Variants in USP28 observed in about 807,000 individuals in gnomAD.
USP28 encodes the protein ubiquitin specific peptidase 28.
Under a neutral mutation model 145.0 loss-of-function variants are expected in USP28, and 113 were observed. The observed-to-expected ratio is 0.78, with a 90% CI of 0.67 to 0.91. USP28 has a LOEUF of 0.91. USP28 is among the 40% of genes least tolerant of loss of function. The probability of loss-of-function intolerance (pLI) is 0.00; values close to 1 mark genes in which losing one functional copy is unlikely to be tolerated. For synonymous variants in USP28, 447 were observed against 450.9 expected (o/e 0.99, Z 0.11); for missense variants, 1,201 against 1,289.6 (o/e 0.93, Z 1.05).
chr11:113,841,824 T>C (rs896379305), intron 3 of USP28, 56 bp from the exon 4 acceptor site: 1 of 1,228,862 alleles, frequency 8.1e-7, no homozygotes, highest in Non-Finnish European at 1.1e-6. Flanking sequence ...TGCCCTTCTG[T>C]AATATAAGAA....
chr11:113,850,257 T>C (rs936245212), intron 3 of USP28, among the ~76,000 whole-genome samples: 8 of 152,134 alleles, frequency 5.3e-5, no homozygotes, highest in Admixed American at 1.3e-4. Context: ...TCACTAGATA[T>C]ATACACTAAA....
chr11:113,800,796 G>GA (rs1938857243), intron 24 of USP28, among the ~76,000 whole-genome samples: 2 of 149,898 alleles, frequency 1.3e-5, no homozygotes, highest in Admixed American at 6.7e-5. Context: ...TCAAGCCACA[G>GA]AAAAAATTCA....
intron 3 of USP28, among the ~76,000 whole-genome samples, chr11:113,849,446 T>C (rs1946229101): frequency 6.6e-6 from 1 of 152,158 alleles, no homozygotes; most frequent in African/African-American, 2.4e-5. Flanking sequence ...GATGGAAGAA[T>C]TGAACAGTGA....
intron 8 of USP28, among the ~76,000 whole-genome samples, chr11:113,831,634 T>C (rs959113029): frequency 1.3e-5 from 2 of 152,184 alleles, no homozygotes; most frequent in Admixed American, 6.5e-5. Flanking sequence ...ATTTGTCCTT[T>C]TTACAAATAC....
chr11:113,808,478 A>C (rs952798404), intron 17 of USP28, 41 bp from the exon 18 acceptor site: 2 of 1,606,658 alleles, frequency 1.2e-6, no homozygotes, highest in African/African-American at 2.7e-5. Context: ...TCTAATGATA[A>C]ATAGTCTAGA....
chr11:113,823,775 T>C (rs1024738764), intron 11 of USP28, 75 bp from the exon 12 acceptor site: 63 of 1,237,620 alleles, frequency 5.1e-5, no homozygotes, highest in Non-Finnish European at 1.3e-5. Context: ...AACTAAAGAT[T>C]CAAGGAAACT....
rs369446148 is a variant in USP28 at position 113,874,067 on chromosome 11, G to A, written c.57+1378C>T. On this transcript the variant is annotated intron_variant, in intron 1 of 24. Transcript: ENST00000003302. ...GAGGCAGGAGAATCGCTTGAACCCG[G>A]GAGACGGAAGTTGCAGTGAGCCGAG... is the stretch of plus-strand genomic sequence containing the variant. 1.4e-3 allele frequency among the ~76,000 whole-genome samples: 218 copies of A among 151,554 alleles called. 1 individual carries two copies. The highest frequency in any genetic ancestry group is 4.4e-3 in the African/African-American group (183 of 41,234).
At chr11:113,815,033 T>C (rs1233215760) in intron 14 of USP28, 141 bp downstream of exon 14, 22 of 764,618 alleles carry the variant, frequency 2.9e-5, no homozygotes, top group Non-Finnish European at 3.7e-5. Context: ...GCCTGGGTGA[T>C]AGAGTGAGAC....
At chr11:113,854,603 T>C (rs1490898812) in intron 1 of USP28, among the ~76,000 whole-genome samples, 1 of 152,150 alleles carries the variant, frequency 6.6e-6, no homozygotes, top group Non-Finnish European at 1.5e-5. Context: ...GGTTTCACAT[T>C]GTTGGTCAGG....
intron 9 of USP28, chr11:113,829,598 T>C: frequency 4.9e-6 from 2 of 409,696 alleles, no homozygotes; most frequent in Non-Finnish European, 8.7e-6. Context: ...GAGGCCAAGG[T>C]GGGAGGATCA....
At chr11:113,828,005 A>G (rs1943565834) in intron 10 of USP28, among the ~76,000 whole-genome samples, 1 of 152,216 alleles carries the variant, frequency 6.6e-6, no homozygotes, top group African/African-American at 2.4e-5. Context: ...TTGAGTTTCA[A>G]AGAAGGAAGG....
chr11:113,813,736 A>G, intron 15 of USP28, 149 bp downstream of exon 15: 1 of 690,706 alleles, frequency 1.4e-6, no homozygotes, highest in Non-Finnish European at 2.4e-6. Flanking sequence ...CCTAAAATAA[A>G]GAAACAGAAC....
exon 14 of USP28, chr11:113,815,199 C>A: frequency 6.2e-7 from 1 of 1,614,104 alleles, no homozygotes; most frequent in African/African-American, 1.3e-5. Flanking sequence ...CAATCTCACT[C>A]CTCCATCTCT....
exon 23 of USP28, chr11:113,803,179 T>C (rs1939347943): frequency 1.2e-6 from 2 of 1,614,100 alleles, no homozygotes; most frequent in Non-Finnish European, 8.5e-7. Context: ...TTCTTCGGTA[T>C]AAAGCAATCA....
intron 1 of USP28, among the ~76,000 whole-genome samples, chr11:113,854,737 A>T (rs971313748): frequency 6.6e-6 from 1 of 152,308 alleles, no homozygotes; most frequent in South Asian, 2.1e-4. Context: ...AACAAGCTCC[A>T]AGAAACAAGG....
chr11:113,866,447 C>CA (rs1437892716), intron 1 of USP28, among the ~76,000 whole-genome samples: 2 of 151,982 alleles, frequency 1.3e-5, no homozygotes, highest in African/African-American at 2.4e-5. Context: ...AGTCAACAAC[C>CA]AAAAAACGAG....
chr11:113,838,657 G>C (rs1944853857), intron 5 of USP28, among the ~76,000 whole-genome samples: 1 of 152,120 alleles, frequency 6.6e-6, no homozygotes, highest in African/African-American at 2.4e-5. Context: ...CATCAGAAAG[G>C]CCATCCCTGA....
chr11:113,846,725 T>C (rs1945888949), intron 3 of USP28, among the ~76,000 whole-genome samples: 1 of 152,236 alleles, frequency 6.6e-6, no homozygotes, highest in Non-Finnish European at 1.5e-5. Flanking sequence ...GCACTGTGGC[T>C]CACATCTGTA....
Position 113,803,199 on chromosome 11 carries a change from T to TGA in USP28, c.2819_2820dup (p.Lys941SerfsTer5). The TGA allele has an allele frequency of 6.2e-7, 1 of 1,614,176 alleles. No homozygotes were observed. On this transcript the variant is annotated frameshift_variant, in exon 23 of 25. Coordinates refer to ENST00000003302, the Ensembl canonical transcript of USP28. LOFTEE classifies it high-confidence loss of function. Reference sequence around the variant, plus strand: ...CGGTATAAAGCAATCACGGATTCTTTGACCCCCCGGCGGGGCCCCTTCATC... The same window carrying TGA: ...CGGTATAAAGCAATCACGGATTCTTTGAGACCCCCCGGCGGGGCCCCTTCATC...
Sources: gnomAD v4.1 joint callset for allele counts (sites outside exome capture counted in the v4.1 genomes callset) on GRCh38, gnomAD v4.1.1 for gene constraint, MANE v1.5 for transcripts, NCBI Gene and HGNC (gene_info 2026-07-23, HGNC 2026-07-21) for gene names.